PLA2G2E: variants seen among roughly 807,000 people sequenced by gnomAD.
PLA2G2E encodes the protein group IIE secretory phospholipase A2.
A neutral mutation model predicts 16.5 loss-of-function variants in PLA2G2E; 14 were observed. The ratio of observed to expected loss-of-function variants is 0.85; its 90% confidence interval spans 0.56 to 1.33. PLA2G2E has a LOEUF of 1.33. Among genes scored for constraint, PLA2G2E ranks in the 40% most tolerant of loss-of-function variants. The pLI is 0.00. For missense variants in PLA2G2E, 174 were observed against 190.7 expected, an observed-to-expected ratio of 0.91 and a Z score of 0.52; for synonymous variants, 72 against 77.2, an observed-to-expected ratio of 0.93 and a Z score of 0.36.
Position 19,920,545 on chromosome 1 carries a change from A to C in PLA2G2E, c.287-96T>G, listed in dbSNP as rs527352110. The C allele has an allele frequency of 1.5e-4, 185 of 1,263,596 alleles. 1 individual carries two copies. In the African/African-American group the frequency reaches 2.0e-3, roughly 13 times the overall value. 78.3% of individuals were successfully genotyped at this position (1,263,596 alleles called of 1,614,324 possible). On this transcript the variant is annotated intron_variant, in intron 3 of 3. Coordinates refer to ENST00000375116, the MANE Select transcript of PLA2G2E (RefSeq NM_014589.3). The surrounding 1 kb of genome is among the most constrained non-coding windows in gnomAD (Gnocchi z 4.3). Reference sequence around the variant, plus strand: ...TGGGTCCACGTTCTTGACCTGGACCAACTCCATTCTGATGGAAGCCCAAGC... The same window carrying C: ...TGGGTCCACGTTCTTGACCTGGACCCACTCCATTCTGATGGAAGCCCAAGC...
chr1:19,921,932 C>T (rs752809758), intron 3 of PLA2G2E, among the ~76,000 whole-genome samples: 1 of 152,230 alleles, frequency 6.6e-6, no homozygotes, highest in Non-Finnish European at 1.5e-5. Flanking sequence ...TCGTTCTGTC[C>T]GAAGGACTTC....
chr1:19,922,097 G>C (rs376515716), intron 3 of PLA2G2E, among the ~76,000 whole-genome samples: 104 of 152,270 alleles, frequency 6.8e-4, no homozygotes, highest in African/African-American at 2.4e-3. Flanking sequence ...TGCACTGATG[G>C]GGTACGGGCT....
At chr1:19,923,441 A>G in intron 1 of PLA2G2E, 79 bp downstream of exon 1, 2 of 1,247,944 alleles carry the variant, frequency 1.6e-6, no homozygotes, top group East Asian at 2.7e-5. Context: ...CACCCTCGGT[A>G]GGGCCAGGCT....
In PLA2G2E at chr1:19,920,416, T is replaced by C. The variant is rs767870884; in HGVS notation, c.320A>G (p.Glu107Gly). ...GRTTCQRLTC[E>G]CDKRAALCFR... ...GCAGAGGGCAGCCCTCTTGTCACAC[T>C]CGCAGGTCAGCCGCTGGCAGGTGGT... The change falls in exon 4 of 4, where the codon GAG (glutamate) becomes GGG (glycine). Residue 107 changes from glutamate to glycine, a missense_variant. Glu to Gly is a moderately conservative substitution (Grantham distance 98). Transcript: ENST00000375116. This position sits in a 1 kb window ranked among gnomAD's most constrained non-coding sequence, Gnocchi z 4.3. 49 of 1,613,744 alleles carry C rather than the reference T, an allele frequency of 3.0e-5. No homozygotes were observed. Among genetic ancestry groups the C allele is most frequent in the Non-Finnish European group, 4.1e-5 (48 of 1,179,846 alleles).
chr1:19,920,217 G>A lies in PLA2G2E; in HGVS notation c.*90C>T. 3 of 1,127,206 alleles carry A rather than the reference G, an allele frequency of 2.7e-6. No homozygotes were observed. Among genetic ancestry groups the A allele is most frequent in the Non-Finnish European group, 3.8e-6 (3 of 783,692 alleles). The allele number at this position is 1,127,206 out of a possible 1,614,324, so 69.8% of individuals were successfully genotyped here. A position where few individuals can be genotyped will look rare whatever the true frequency, so the allele number is the denominator to read the frequency against. On this transcript the variant is annotated 3_prime_UTR_variant, in exon 4 of 4. Transcript: ENST00000375116. The surrounding 1 kb of genome is among the most constrained non-coding windows in gnomAD (Gnocchi z 4.3). ...TTGCAGGAAAGGAATTTTCCAAAGG[G>A]AGGGCCTTTGGTGCCAATGTTCCCC... is the stretch of plus-strand genomic sequence containing the variant.
At chr1:19,923,199 G>A (rs1557688934) in intron 1 of PLA2G2E, among the ~76,000 whole-genome samples, 1 of 152,188 alleles carries the variant, frequency 6.6e-6, no homozygotes, top group Non-Finnish European at 1.5e-5. Context: ...CTCAGCCATG[G>A]GACTGAATCC....
chr1:19,921,084 C>T (rs1177234125), intron 3 of PLA2G2E, among the ~76,000 whole-genome samples: 1 of 152,246 alleles, frequency 6.6e-6, no homozygotes, highest in African/African-American at 2.4e-5. Context: ...CCTCCTGTCT[C>T]CACTGCAGCT....
At chr1:19,922,072 C>T (rs1431628749) in intron 3 of PLA2G2E, among the ~76,000 whole-genome samples, 1 of 152,178 alleles carries the variant, frequency 6.6e-6, no homozygotes, top group African/African-American at 2.4e-5. Flanking sequence ...TAGGGAGATA[C>T]CTGGGGCTGA....
At chr1:19,922,457 C>A (rs184234254) in intron 2 of PLA2G2E, 53 bp from the exon 3 acceptor site, 3 of 1,572,420 alleles carry the variant, frequency 1.9e-6, no homozygotes, top group East Asian at 4.5e-5. Context: ...CTGGGCTGGA[C>A]CAGGGGCTGC....
Position 19,920,644 on chromosome 1 carries a change from G to A in PLA2G2E, c.287-195C>T, listed in dbSNP as rs1277564823. 6.6e-6 allele frequency among the ~76,000 whole-genome samples: 1 copy of A among 152,156 alleles called. No homozygotes were observed. Among genetic ancestry groups the A allele is most frequent in the East Asian group, 1.9e-4 (1 of 5,182 alleles). On this transcript the variant is annotated intron_variant, in intron 3 of 3. Coordinates refer to ENST00000375116, the MANE Select transcript of PLA2G2E (RefSeq NM_014589.3). The surrounding 1 kb of genome is among the most constrained non-coding windows in gnomAD (Gnocchi z 4.3). ...CACTGTGGCTCAGGACACCAGGGAA[G>A]CTGGAAGCTTGCCCTCGCTGTCCCT...
At position 19,922,759 on chromosome 1, in the gene PLA2G2E, C is replaced by CAGAGAGGGAGAGGGAGAG. The variant is rs1553164455; in HGVS notation, c.41-22_41-5dup. 3 of 1,603,170 alleles carry CAGAGAGGGAGAGGGAGAG rather than the reference C, an allele frequency of 1.9e-6. No individual in the cohort carries two copies. Among genetic ancestry groups the CAGAGAGGGAGAGGGAGAG allele is most frequent in the Non-Finnish European group, 2.6e-6 (3 of 1,176,306 alleles). On this transcript the variant is annotated splice_polypyrimidine_tract_variant and splice_region_variant and intron_variant, in intron 1 of 3. Transcript: ENST00000375116. The stretch of plus-strand genomic sequence containing the variant: ...AGGTTCCCGGTGACCAGAGCCACTG[C>CAGAGAGGGAGAGGGAGAG]AGAGAGGGAGAGGGAGAGGGAGAGG...
chr1:19,921,024 T>C (rs953272182), intron 3 of PLA2G2E, among the ~76,000 whole-genome samples: 1 of 152,194 alleles, frequency 6.6e-6, no homozygotes, highest in Non-Finnish European at 1.5e-5. Context: ...TACCCTGACC[T>C]GTCCTTCCTA....
At chr1:19,922,479 G>C in intron 2 of PLA2G2E, 75 bp from the exon 3 acceptor site, 1 of 1,547,820 alleles carries the variant, frequency 6.5e-7, no homozygotes, top group Non-Finnish European at 8.8e-7. Context: ...CGGGGCCCCC[G>C]AGCCCAAAGC....
In PLA2G2E at chr1:19,920,244, G is replaced by A; in HGVS notation, c.*63C>T. 1 of 1,469,924 alleles carries A rather than the reference G, an allele frequency of 6.8e-7. No individual in the cohort carries two copies. 91.1% of individuals were successfully genotyped at this position (1,469,924 alleles called of 1,614,324 possible). On this transcript the variant is annotated 3_prime_UTR_variant, in exon 4 of 4. Coordinates refer to ENST00000375116, the MANE Select transcript of PLA2G2E (RefSeq NM_014589.3). This position sits in a 1 kb window ranked among gnomAD's most constrained non-coding sequence, Gnocchi z 4.3. Reference sequence around the variant, plus strand: ...GGGCCTTTGGTGCCAATGTTCCCCAGGCCTGGGACTACAGCAGCCCGAGGC... The same window carrying A: ...GGGCCTTTGGTGCCAATGTTCCCCAAGCCTGGGACTACAGCAGCCCGAGGC...
In PLA2G2E at chr1:19,922,378, T is replaced by C. The variant is rs781437830; in HGVS notation, c.206A>G (p.Tyr69Cys). The C allele has an allele frequency of 3.1e-6, 5 of 1,613,934 alleles. No individual in the cohort carries two copies. In the Admixed American group the frequency reaches 8.3e-5, roughly 27 times the overall value. The change falls in exon 3 of 4, where the codon TAC becomes TGC. Residue 69 changes from tyrosine (Y) to cysteine (C), a missense_variant. Tyr to Cys is a radical substitution (Grantham distance 194). Coordinates refer to ENST00000375116, the MANE Select transcript of PLA2G2E (RefSeq NM_014589.3). Reference protein sequence around the residue: ...DWCCHAHDCCYGRLEKLGCEP... With the variant: ...DWCCHAHDCCCGRLEKLGCEP... ...ACAGCCCAGCTTCTCCAGACGCCCGTAGCAGCAGTCGTGGGCGTGGCAGCA... is the reference window on the plus strand; with the variant it reads ...ACAGCCCAGCTTCTCCAGACGCCCGCAGCAGCAGTCGTGGGCGTGGCAGCA...
chr1:19,922,418 G>A lies in PLA2G2E; in HGVS notation c.180-14C>T, dbSNP rs1387888667. 6.2e-7 allele frequency: 1 copy of A among 1,609,870 alleles called. No homozygotes were observed. Among genetic ancestry groups the A allele is most frequent in the South Asian group, 1.1e-5 (1 of 90,822 alleles). On this transcript the variant is annotated splice_polypyrimidine_tract_variant and intron_variant, in intron 2 of 3. Coordinates refer to ENST00000375116, the MANE Select transcript of PLA2G2E (RefSeq NM_014589.3). ...GCGTGGCAGCACCTGTAAGGGTCATGGTTGACCTGGAGGGACCTGTGAGCC... is the reference window on the plus strand; with the variant it reads ...GCGTGGCAGCACCTGTAAGGGTCATAGTTGACCTGGAGGGACCTGTGAGCC...
chr1:19,922,910 A>G (rs1557688850), intron 1 of PLA2G2E, among the ~76,000 whole-genome samples, 155 bp from the exon 2 acceptor site: 1 of 152,106 alleles, frequency 6.6e-6, no homozygotes, highest in East Asian at 1.9e-4. Context: ...AACCGTGGTA[A>G]TAAGTAATAA....
At position 19,923,177 on chromosome 1, in the gene PLA2G2E, C is replaced by T. The variant is rs141813383; in HGVS notation, c.40+343G>A. Among the ~76,000 whole-genome samples the T allele has an allele frequency of 9.3e-3, 1,421 of 152,320 alleles. 34 individuals are homozygous for T. Among genetic ancestry groups the T allele is most frequent in the Admixed American group, 0.035 (534 of 15,308 alleles). On this transcript the variant is annotated intron_variant, in intron 1 of 3. Coordinates refer to ENST00000375116, the MANE Select transcript of PLA2G2E (RefSeq NM_014589.3). ...TCAGCTGACCTCCCCAAATTCTTCC[C>T]GGTGCTCCTGACTCAGCCATGGGAC...
intron 3 of PLA2G2E, 145 bp downstream of exon 3, chr1:19,922,153 G>T: frequency 1.6e-6 from 1 of 616,644 alleles, no homozygotes; most frequent in Non-Finnish European, 2.9e-6. Flanking sequence ...CCACTGTTAC[G>T]TGGTAACGGG....
Sources: gnomAD v4.1 joint callset for allele counts (sites outside exome capture counted in the v4.1 genomes callset) on GRCh38, gnomAD v4.1.1 for gene constraint, Gnocchi (gnomAD v3.1) non-coding constraint, MANE v1.5 for transcripts, NCBI Gene and HGNC (gene_info 2026-07-23, HGNC 2026-07-21) for gene names.